C10orf53: variants seen among roughly 807,000 people sequenced by gnomAD.
C10orf53 encodes chromosome 10 open reading frame 53.
C10orf53 carries 8 observed loss-of-function variants against 9.4 expected under a neutral mutation model. That is an observed-to-expected ratio of 0.85 (90% CI 0.50 to 1.53). C10orf53 has a LOEUF of 1.53. C10orf53 is among the 40% of genes most tolerant of loss of function. C10orf53 has a pLI of 0.00. For missense variants in C10orf53, 117 were observed against 117.8 expected (o/e 0.99, Z 0.03); for synonymous variants, 48 against 46.0 (o/e 1.04, Z -0.18).
chr10:49,683,230 G>A (rs1415479978), intron 1 of C10orf53, among the ~76,000 whole-genome samples: 1 of 152,216 alleles, frequency 6.6e-6, no homozygotes, highest in Non-Finnish European at 1.5e-5. Context: ...CGCAGTAGGT[G>A]TGAAATGGTA....
chr10:49,699,833 C>T (rs574881355), downstream of C10orf53, among the ~76,000 whole-genome samples: 8 of 152,100 alleles, frequency 5.3e-5, no homozygotes, highest in Admixed American at 5.2e-4. Flanking sequence ...GAAGCTAAGA[C>T]CTAAAAAGCC....
chr10:49,686,157 A>G (rs1840526393), intron 1 of C10orf53, among the ~76,000 whole-genome samples: 1 of 152,218 alleles, frequency 6.6e-6, no homozygotes, highest in Non-Finnish European at 1.5e-5. Flanking sequence ...CCCAAAATTA[A>G]TACTTTTATA....
At chr10:49,684,436 A>G (rs891276871) in intron 1 of C10orf53, among the ~76,000 whole-genome samples, 1 of 152,214 alleles carries the variant, frequency 6.6e-6, no homozygotes, top group African/African-American at 2.4e-5. Flanking sequence ...GAATCTGTAT[A>G]ATCCTTTGGG....
intron 1 of C10orf53, among the ~76,000 whole-genome samples, chr10:49,693,521 A>G (rs945071383): frequency 1.3e-5 from 2 of 152,228 alleles, no homozygotes; most frequent in Admixed American, 6.5e-5. Flanking sequence ...GAGGAAGCTC[A>G]TTGTTTAACA....
chr10:49,681,580 T>C (rs1362116370), intron 1 of C10orf53, among the ~76,000 whole-genome samples: 1 of 152,228 alleles, frequency 6.6e-6, no homozygotes, highest in Non-Finnish European at 1.5e-5. Flanking sequence ...CAAAATACCA[T>C]AGACTATGGG....
downstream of C10orf53, among the ~76,000 whole-genome samples, chr10:49,698,905 G>A (rs1386630185): frequency 6.6e-6 from 1 of 152,278 alleles, no homozygotes; most frequent in African/African-American, 2.4e-5. Context: ...GGTGGACAGC[G>A]TAGTGAGTGC....
rs758785042 is a variant in C10orf53, at chr10:49,696,673, A to G, written c.*2071A>G. Among the ~76,000 whole-genome samples the G allele has an allele frequency of 5.5e-4, 83 of 151,762 alleles. No individual in the cohort carries two copies. Among genetic ancestry groups the G allele is most frequent in the African/African-American group, 1.6e-3 (66 of 41,398 alleles). On this transcript the variant is annotated 3_prime_UTR_variant, in exon 3 of 3. Transcript: ENST00000374111. ...GGGAGATGCCTGTGCCCAGAGCCCT[A>G]TGTTTCAGTTTGGATCAGAGGCAAA...
intron 1 of C10orf53, among the ~76,000 whole-genome samples, chr10:49,690,284 G>A (rs1036181276): frequency 6.6e-6 from 1 of 152,124 alleles, no homozygotes; most frequent in Non-Finnish European, 1.5e-5. Flanking sequence ...ATGTAATACC[G>A]GCAGCCAACA....
chr10:49,691,173 A>G (rs572885366), intron 1 of C10orf53, among the ~76,000 whole-genome samples: 8 of 152,330 alleles, frequency 5.3e-5, no homozygotes, highest in Admixed American at 3.3e-4. Flanking sequence ...TGCTCCGTGT[A>G]GAGAAGTGGC....
chr10:49,708,736 TC>T, exon 3 of C10orf53: 1 of 1,440,584 alleles, frequency 6.9e-7, no homozygotes, highest in South Asian at 1.4e-5. Context: ...GTCCCACATC[TC>T]CCGAACCTCT....
At chr10:49,697,670 G>C (rs943407136), downstream of C10orf53, among the ~76,000 whole-genome samples, 2 of 152,132 alleles carry the variant, frequency 1.3e-5, no homozygotes, top group African/African-American at 4.8e-5. Context: ...TCCTGCCTCA[G>C]CCTCCTGAAC....
chr10:49,708,318 C>T, intron 2 of C10orf53: 1 of 1,601,214 alleles, frequency 6.2e-7, no homozygotes, highest in South Asian at 1.1e-5. Flanking sequence ...ACTCTGTCTC[C>T]ATCTCTTGAT....
At chr10:49,698,878 G>A (rs1218758413), downstream of C10orf53, among the ~76,000 whole-genome samples, 1 of 152,134 alleles carries the variant, frequency 6.6e-6, no homozygotes, top group Non-Finnish European at 1.5e-5. Context: ...CACCATGCTG[G>A]TGTAAGACAA....
intron 2 of C10orf53, among the ~76,000 whole-genome samples, chr10:49,704,829 T>C (rs1215675612): frequency 6.6e-6 from 1 of 152,240 alleles, no homozygotes; most frequent in Non-Finnish European, 1.5e-5. Flanking sequence ...CAGGCACTTG[T>C]GCTTGATAGA....
At chr10:49,710,261 G>A (rs1301357332) in exon 3 of C10orf53, 3 of 152,154 alleles carry the variant, frequency 2.0e-5, no homozygotes, top group African/African-American at 7.2e-5. Flanking sequence ...GTTGGAAAAT[G>A]TTTGAATGTC....
intron 1 of C10orf53, among the ~76,000 whole-genome samples, chr10:49,685,562 C>T (rs546684552): frequency 6.6e-6 from 1 of 152,300 alleles, no homozygotes; most frequent in East Asian, 1.9e-4. Context: ...CACACACACA[C>T]TTACACACAC....
At chr10:49,707,680 A>C (rs1470892548) in intron 2 of C10orf53, among the ~76,000 whole-genome samples, 1 of 152,074 alleles carries the variant, frequency 6.6e-6, no homozygotes, top group Admixed American at 6.5e-5. Context: ...ATTCATAATG[A>C]AAAAATATCT....
At chr10:49,707,310 T>C (rs7915102) in intron 2 of C10orf53, among the ~76,000 whole-genome samples, 69,264 of 152,034 alleles carry the variant, frequency 0.46, 16,190 homozygotes, top group Middle Eastern at 0.5. Context: ...AGAGCCCATA[T>C]CCACAGGATG....
intron 2 of C10orf53, among the ~76,000 whole-genome samples, chr10:49,707,769 A>G (rs1303165450): frequency 6.6e-6 from 1 of 152,080 alleles, no homozygotes; most frequent in Non-Finnish European, 1.5e-5. Context: ...CCGCATTTGA[A>G]TAGTGTGTGC....
Sources: gnomAD v4.1 joint callset for allele counts (sites outside exome capture counted in the v4.1 genomes callset) on GRCh38, gnomAD v4.1.1 for gene constraint, MANE v1.5 for transcripts, NCBI Gene and HGNC (gene_info 2026-07-23, HGNC 2026-07-21) for gene names.